Variants in ROS1 observed in about 807,000 individuals in gnomAD.
ROS1 encodes the protein ROS proto-oncogene 1, receptor tyrosine kinase.
In ROS1, 263 loss-of-function variants were observed where a neutral mutation model predicts 273.5. That is an observed-to-expected ratio of 0.96 (90% CI 0.87 to 1.06). The LOEUF (loss-of-function observed/expected upper bound fraction) is 1.06, where lower values mean the gene tolerates loss of function less well. Ranked by LOEUF, ROS1 falls within the 50% of genes least tolerant of loss-of-function variation. The probability of loss-of-function intolerance (pLI) is 0.00; values close to 1 mark genes in which losing one functional copy is unlikely to be tolerated. For missense variants in ROS1, 2,833 were observed against 2,751.1 expected (o/e 1.03, Z -0.67); for synonymous variants, 1,008 against 954.1 (o/e 1.06, Z -1.04).
intron 42 of ROS1, among the ~76,000 whole-genome samples, chr6:117,308,128 T>TGAA (rs1356113682): frequency 2.0e-5 from 3 of 152,172 alleles, no homozygotes; most frequent in Admixed American, 1.3e-4. Flanking sequence ...TTAATATTTC[T>TGAA]GCTGATACTT....
rs181900919 is a variant in ROS1, at chr6:117,343,088, T to G, written c.4507-544A>C. Among the ~76,000 whole-genome samples the G allele has an allele frequency of 6.1e-3, 646 of 106,514 alleles. 4 individuals are homozygous for G. The highest frequency in any genetic ancestry group is 0.034 in the Admixed American group (383 of 11,118). The allele number at this position is 106,514 out of a possible 152,430, so 69.9% of individuals were successfully genotyped here. On this transcript the variant is annotated intron_variant, in intron 28 of 43. Transcript: ENST00000368507. ...GAAGCCTAGATGCAGAGTGTTTTGT[T>G]TTTTTTTTTTAAAGCTTCGATGTGC...
In ROS1 at chr6:117,358,020, G is replaced by T. The variant is rs1582726658; in HGVS notation, c.3634-11C>A. ...TGAATCTTGGAAAAGCTTAACAACAGGTAGAGAACACAGCCAAGAAGAGAG... is the reference window on the plus strand; with the variant it reads ...TGAATCTTGGAAAAGCTTAACAACATGTAGAGAACACAGCCAAGAAGAGAG... On this transcript the variant is annotated splice_polypyrimidine_tract_variant and intron_variant, in intron 24 of 43. Transcript: ENST00000368507. 1 of 1,580,168 alleles carries T rather than the reference G, an allele frequency of 6.3e-7. No individual in the cohort carries two copies. Among genetic ancestry groups the T allele is most frequent in the South Asian group, 1.1e-5 (1 of 90,018 alleles).
In ROS1 at chr6:117,300,591, G is replaced by A. The variant is rs183444292; in HGVS notation, c.6715+383C>T. On this transcript the variant is annotated intron_variant, in intron 43 of 43. Coordinates refer to ENST00000368507, the MANE Select transcript of ROS1 (RefSeq NM_001378902.1). ...GGCTAAACAAACAAACAAGACAGGA[G>A]CCCTGCATAGGCCAATGATGATAAT... Among the ~76,000 whole-genome samples, 533 of 152,228 alleles carry A rather than the reference G, an allele frequency of 3.5e-3. 4 individuals are homozygous for A. Among genetic ancestry groups the A allele is most frequent in the Middle Eastern group, 0.017 (5 of 294 alleles).
chr6:117,411,364 T>C lies in ROS1; in HGVS notation c.256-1722A>G, dbSNP rs993598729. Among the ~76,000 whole-genome samples, 8 of 151,786 alleles carry C rather than the reference T, an allele frequency of 5.3e-5. No individual in the cohort carries two copies. The East Asian group carries it at 1.6e-3, about 29-fold the overall frequency. ...GACTTCAAATAAAGTTATCCAGTGT[T>C]TCTCAAGCTTGAGTTGCCTAGAGAG... is the stretch of plus-strand genomic sequence containing the variant. On this transcript the variant is annotated intron_variant, in intron 4 of 43. Coordinates refer to ENST00000368507, the MANE Select transcript of ROS1 (RefSeq NM_001378902.1).
chr6:117,291,532 T>C (rs1370440697), intron 43 of ROS1, among the ~76,000 whole-genome samples: 5 of 152,162 alleles, frequency 3.3e-5, no homozygotes, highest in Non-Finnish European at 7.4e-5. Flanking sequence ...AGCCAGGGAT[T>C]TGTGAAGGCT....
At chr6:117,373,108 T>G (rs899243759) in intron 18 of ROS1, among the ~76,000 whole-genome samples, 1 of 152,220 alleles carries the variant, frequency 6.6e-6, no homozygotes, top group African/African-American at 2.4e-5. Flanking sequence ...AGAGTGCTGA[T>G]TGGTGCATCC....
intron 21 of ROS1, 48 bp downstream of exon 21, chr6:117,365,012 G>A (rs747691861): frequency 6.4e-7 from 1 of 1,568,590 alleles, no homozygotes; most frequent in Admixed American, 1.8e-5. Flanking sequence ...ATCATGAAAA[G>A]TGAGATTCTG....
intron 42 of ROS1, chr6:117,301,596 T>G (rs1293064491): frequency 6.5e-6 from 1 of 153,786 alleles, no homozygotes; most frequent in Non-Finnish European, 1.4e-5. Flanking sequence ...AGGATGACCT[T>G]CCCTGATAGA....
rs932526376 is a variant in ROS1 at position 117,321,373 on chromosome 6, T to C, written c.5645A>G (p.Asn1882Ser). 1 of 1,612,786 alleles carries C rather than the reference T, an allele frequency of 6.2e-7. No homozygotes were observed. ...CACCCCTTCCTTGGCACTTTTTTGA[T>C]TCTTTAATCTTCTATGCCAGACTAT... ...LTFVWHRRLKNQKSAKEGVTV... is the reference protein window; with the variant it reads ...LTFVWHRRLKSQKSAKEGVTV... Residue 1882 changes from asparagine to serine, a missense_variant, in exon 36 of 44, where the codon AAT becomes AGT. Coordinates refer to ENST00000368507, the MANE Select transcript of ROS1 (RefSeq NM_001378902.1).
At chr6:117,420,025 G>A (rs1431585966) in intron 1 of ROS1, among the ~76,000 whole-genome samples, 1 of 151,978 alleles carries the variant, frequency 6.6e-6, no homozygotes, top group African/African-American at 2.4e-5. Context: ...TATGTTTCAG[G>A]CACTCTTATA....
intron 18 of ROS1, among the ~76,000 whole-genome samples, chr6:117,369,442 C>A (rs954367385): frequency 6.6e-6 from 1 of 151,986 alleles, no homozygotes. Context: ...GGCGTGTTGG[C>A]GGGCGCCTGT....
In ROS1 at chr6:117,342,459, G is replaced by A. The variant is rs752499456; in HGVS notation, c.4592C>T (p.Ser1531Leu). ...TGGTGGTAAATGTTCCAAAGGATCTGAATAATAATTTTTTACAGCTATCTG... is the reference window on the plus strand; with the variant it reads ...TGGTGGTAAATGTTCCAAAGGATCTAAATAATAATTTTTTACAGCTATCTG... ...MIQIAVKNYY[S>L]DPLEHLPPGK... The change falls in exon 29 of 44, where the codon TCA becomes TTA. Residue 1531 changes from serine to leucine, a missense_variant. Physicochemically the swap from Ser to Leu is moderately radical, Grantham distance 145 (BLOSUM62 -2). Transcript: ENST00000368507. The A allele has an allele frequency of 6.2e-7, 1 of 1,610,654 alleles. No homozygotes were observed. Among genetic ancestry groups the A allele is most frequent in the Non-Finnish European group, 8.5e-7 (1 of 1,177,670 alleles).
At chr6:117,375,356 A>G (rs1467922750) in intron 18 of ROS1, among the ~76,000 whole-genome samples, 1 of 152,186 alleles carries the variant, frequency 6.6e-6, no homozygotes, top group Non-Finnish European at 1.5e-5. Context: ...CACTCAGGTG[A>G]TGGGTTTACC....
chr6:117,320,011 C>T lies in ROS1; in HGVS notation c.5779G>A (p.Glu1927Lys). The T allele has an allele frequency of 1.2e-6, 2 of 1,613,206 alleles. No individual in the cohort carries two copies. The highest frequency in any genetic ancestry group is 1.3e-5 in the African/African-American group (1 of 74,974). The change falls in exon 37 of 44, where the codon GAG (glutamate) becomes AAG (lysine). Residue 1927 changes from glutamate to lysine, a missense_variant. By Grantham distance (56) the Glu-to-Lys change is moderately conservative. Coordinates refer to ENST00000368507, the MANE Select transcript of ROS1 (RefSeq NM_001378902.1). ...YAIHTLPTQEEIENLPAFPRE... is the reference protein window; with the variant it reads ...YAIHTLPTQEKIENLPAFPRE... ...GGGAAGGCAGGAAGATTTTCAATCT[C>T]CTCTTGGGTTGGAAGAGTACTGTAA...
chr6:117,394,771 G>T (rs1773361593), intron 9 of ROS1, 33 bp from the exon 10 acceptor site: 1 of 1,574,850 alleles, frequency 6.3e-7, no homozygotes, highest in South Asian at 1.2e-5. Flanking sequence ...CAGACAGGTA[G>T]ACCAACCACA....
chr6:117,321,240 G>A lies in ROS1; in HGVS notation c.5759+19C>T, dbSNP rs1471063880. ...ACCCTTTGCCTAGGTGCTCCATAAT[G>A]ATGGCCAAAGCTACATACTGTATTG... On this transcript the variant is annotated intron_variant, in intron 36 of 43. Coordinates refer to ENST00000368507, the MANE Select transcript of ROS1 (RefSeq NM_001378902.1). The A allele has an allele frequency of 6.2e-7, 1 of 1,606,884 alleles. No individual in the cohort carries two copies.
At chr6:117,321,423 A>C in intron 35 of ROS1, 29 bp from the exon 36 acceptor site, 1 of 1,555,224 alleles carries the variant, frequency 6.4e-7, no homozygotes, top group Non-Finnish European at 8.7e-7. Flanking sequence ...CATAATTTAC[A>C]AAATAAAATA....
chr6:117,417,545 T>C (rs954101195), intron 2 of ROS1, among the ~76,000 whole-genome samples: 1 of 152,196 alleles, frequency 6.6e-6, no homozygotes, highest in African/African-American at 2.4e-5. Flanking sequence ...ACTCTGTATG[T>C]CTTTCCAACA....
rs1489445418 is a variant in ROS1, at chr6:117,365,065, T to G, written c.3098A>C (p.Glu1033Ala). The change falls in exon 21 of 44, where the codon GAA (glutamate) becomes GCA (alanine). Residue 1033 changes from glutamate (E) to alanine (A), a missense_variant. Transcript: ENST00000368507. ...ACAGATTTTAACCCCTGTACCTGTTTCAGGTGCTCGAAGTGACAGAGATGT... is the reference window on the plus strand; with the variant it reads ...ACAGATTTTAACCCCTGTACCTGTTGCAGGTGCTCGAAGTGACAGAGATGT... ...PKTSLSLRAP[E>A]TVPSAPENPR... 6.2e-7 allele frequency: 1 copy of G among 1,613,606 alleles called. No homozygotes were observed. Among genetic ancestry groups the G allele is most frequent in the Non-Finnish European group, 8.5e-7 (1 of 1,179,796 alleles).
Sources: allele counts gnomAD v4.1 joint callset (sites outside exome capture counted in the v4.1 genomes callset), GRCh38; gene constraint gnomAD v4.1.1; transcripts MANE v1.5; gene names NCBI Gene and HGNC (gene_info 2026-07-23, HGNC 2026-07-21).